The following ZNF724 variants were observed in gnomAD, a reference collection of about 807,000 sequenced individuals.
ZNF724 encodes zinc finger protein 724.
A neutral mutation model predicts 29.3 loss-of-function variants in ZNF724; 14 were observed. The observed-to-expected ratio is 0.48, with a 90% CI of 0.32 to 0.75. The LOEUF is 0.75. Ranked by LOEUF, ZNF724 falls within the 30% of genes least tolerant of loss-of-function variation. ZNF724 has a pLI of 0.04. For synonymous variants in ZNF724, 180 were observed against 193.6 expected, an observed-to-expected ratio of 0.93 and a Z score of 0.58; for missense variants, 557 against 571.2, an observed-to-expected ratio of 0.98 and a Z score of 0.25.
At chr19:23,249,091 C>A (rs1226217875) in intron 1 of ZNF724, among the ~76,000 whole-genome samples, 1 of 152,074 alleles carries the variant, frequency 6.6e-6, no homozygotes, top group East Asian at 1.9e-4. Flanking sequence ...CTGTACCTAA[C>A]CAATTATTGA....
intron 1 of ZNF724, among the ~76,000 whole-genome samples, chr19:23,233,493 A>T (rs1359329057): frequency 6.6e-6 from 1 of 152,122 alleles, no homozygotes; most frequent in East Asian, 1.9e-4. Context: ...AGTAATCTTG[A>T]GTATCCACAC....
intron 3 of ZNF724, chr19:23,231,011 G>A (rs545278809): frequency 1.4e-5 from 3 of 208,964 alleles, no homozygotes; most frequent in Admixed American, 1.2e-4. Flanking sequence ...AGCCTCCCAA[G>A]TAGCTGGGAC....
chr19:23,222,477 A>G lies in ZNF724; in HGVS notation c.1768T>C (p.Tyr590His). The G allele has an allele frequency of 7.7e-7, 1 of 1,301,502 alleles. No individual in the cohort carries two copies. Among genetic ancestry groups the G allele is most frequent in the African/African-American group, 1.4e-5 (1 of 69,094 alleles). The allele number at this position is 1,301,502 out of a possible 1,614,324, so 80.6% of individuals were successfully genotyped here. ...HKVIHTGEKP[Y>H]KCKECGKAFN... ...GCTTTGCCACATTCTTTACATTTGT[A>G]GGGTTTCTCTCCAGTATGAATTACC... The change falls in exon 4 of 4, where the codon TAC becomes CAC. Residue 590 changes from tyrosine (Y) to histidine (H), a missense_variant. Tyr to His is a moderately conservative substitution (Grantham distance 83, BLOSUM62 2). Around this residue, in one of 3 missense-constraint regions of ZNF724, gnomAD observed 170 missense variants for 220.7 expected, o/e 0.77. Transcript: ENST00000418100.
chr19:23,246,422 C>G (rs556786308), intron 1 of ZNF724, among the ~76,000 whole-genome samples: 2 of 152,026 alleles, frequency 1.3e-5, no homozygotes, highest in Non-Finnish European at 2.9e-5. Context: ...TTTGGGAGGC[C>G]GAGGCGGGCA....
intron 1 of ZNF724, among the ~76,000 whole-genome samples, chr19:23,239,086 GGAGAGCTATGAA>G (rs1316767575): frequency 8.0e-5 from 12 of 149,554 alleles, no homozygotes; most frequent in Non-Finnish European, 1.5e-4. Flanking sequence ...AAGTTCTTAC[GGAGAGCTATGAA>G]GAGAGTTGGA....
chr19:23,242,177 A>C (rs73561346), intron 1 of ZNF724, among the ~76,000 whole-genome samples: 2,074 of 152,344 alleles, frequency 0.014, 59 homozygotes, highest in African/African-American at 0.047. Flanking sequence ...AGGGAAGTGA[A>C]AGATCTCTAC....
chr19:23,243,060 A>G (rs1423911470), intron 1 of ZNF724, among the ~76,000 whole-genome samples: 4 of 30,658 alleles, frequency 1.3e-4, no homozygotes, highest in Non-Finnish European at 5.2e-4. Flanking sequence ...AAAAAAAAAG[A>G]AAGAAAGAAA....
At chr19:23,240,483 G>A (rs1334784185) in intron 1 of ZNF724, among the ~76,000 whole-genome samples, 3 of 151,988 alleles carry the variant, frequency 2.0e-5, no homozygotes, top group Non-Finnish European at 2.9e-5. Flanking sequence ...CTGAGCTTGT[G>A]CACTAGGTCC....
At position 23,222,613 on chromosome 19, in the gene ZNF724, G is replaced by C. The variant is rs755042960; in HGVS notation, c.1632C>G (p.Tyr544Ter). ...YKCEECGKAF[Y>*]QYSNLTQHKI... is the part of the protein sequence containing the mutation. ...TATGTTGAGTAAGGTTTGAGTATTG[G>C]TAAAAAGCTTTGCCACATTCTTCAC... is the stretch of plus-strand genomic sequence containing the variant. Residue 544 changes from tyrosine (Y) to a stop codon, truncating the protein, a stop_gained, in exon 4 of 4, where the codon TAC becomes TAG. Transcript: ENST00000418100. LOFTEE classifies it high-confidence loss of function. 2.2e-6 allele frequency: 3 copies of C among 1,367,852 alleles called. No homozygotes were observed. In the African/African-American group the frequency reaches 4.3e-5, roughly 20 times the overall value. The allele number at this position is 1,367,852 out of a possible 1,614,324, so 84.7% of individuals were successfully genotyped here. A position where few individuals can be genotyped will look rare whatever the true frequency, so the allele number is the denominator to read the frequency against.
intron 1 of ZNF724, among the ~76,000 whole-genome samples, chr19:23,249,434 G>C (rs976945680): frequency 2.0e-5 from 3 of 149,458 alleles, no homozygotes; most frequent in Non-Finnish European, 1.5e-5. Flanking sequence ...GTCAAGCTCT[G>C]TCACCCAAGC....
chr19:23,239,798 G>T (rs1042666966), intron 1 of ZNF724, among the ~76,000 whole-genome samples: 1 of 152,040 alleles, frequency 6.6e-6, no homozygotes, highest in Non-Finnish European at 1.5e-5. Context: ...GCAACGCAGC[G>T]AGACTGTTTC....
rs921998814 is a variant in ZNF724, at chr19:23,224,105, C to T, written c.227-87G>A. The T allele has an allele frequency of 1.6e-5, 9 of 569,984 alleles. No homozygotes were observed. The Admixed American group carries it at 2.3e-4, about 15-fold the overall frequency. 35.3% of individuals were successfully genotyped at this position (569,984 alleles called of 1,614,324 possible). ...CATCTAACCTACAAAACTATACAAA[C>T]TACATAAACAAGATTGCATAAGAAG... On this transcript the variant is annotated intron_variant, in intron 3 of 3. Coordinates refer to ENST00000418100, the MANE Select transcript of ZNF724 (RefSeq NM_001355404.2).
At chr19:23,246,673 ATT>A (rs1972242432) in intron 1 of ZNF724, among the ~76,000 whole-genome samples, 1 of 152,046 alleles carries the variant, frequency 6.6e-6, no homozygotes, top group African/African-American at 2.4e-5. Context: ...AAAAAAAAGA[ATT>A]AGCATTAAAC....
rs1189970544 is a variant in ZNF724, at chr19:23,221,771, TTTCACCATGTTGGCC to T, written c.*599_*613del. The stretch of plus-strand genomic sequence containing the variant: ...TTTTGTATTTTGGGTAGAGATGGAG[TTTCACCATGTTGGCC>T]AGGCTGGTCTTGAACTTCTGACCTC... On this transcript the variant is annotated 3_prime_UTR_variant, in exon 4 of 4. Coordinates refer to ENST00000418100, the MANE Select transcript of ZNF724 (RefSeq NM_001355404.2). 1 of 152,634 alleles carries T rather than the reference TTTCACCATGTTGGCC, an allele frequency of 6.6e-6. No homozygotes were observed. The highest frequency in any genetic ancestry group is 1.5e-5 in the Non-Finnish European group (1 of 68,556). 9.5% of individuals were successfully genotyped at this position (152,634 alleles called of 1,614,324 possible). A position where few individuals can be genotyped will look rare whatever the true frequency, so the allele number is the denominator to read the frequency against.
rs1275484383 is a variant in ZNF724 at position 23,222,927 on chromosome 19, G to A, written c.1318C>T (p.His440Tyr). The A allele has an allele frequency of 1.4e-6, 2 of 1,388,910 alleles. No homozygotes were observed. The highest frequency in any genetic ancestry group is 2.0e-6 in the Non-Finnish European group (2 of 976,218). The allele number at this position is 1,388,910 out of a possible 1,614,324, so 86.0% of individuals were successfully genotyped here. The change falls in exon 4 of 4, where the codon CAT becomes TAT. Residue 440 changes from histidine to tyrosine, a missense_variant. Transcript: ENST00000418100. ...AFNQFSQLTT[H>Y]KIIHTGEKPY... ...TTCTCTCCAGTATGAATTATCTTAT[G>A]TGTAGTAAGTTGTGAGAACTGGTTA...
Position 23,222,689 on chromosome 19 carries a change from G to A in ZNF724, c.1556C>T (p.Ser519Leu), listed in dbSNP as rs573893665. 130 of 1,389,346 alleles carry A rather than the reference G, an allele frequency of 9.4e-5. No individual in the cohort carries two copies. The highest frequency in any genetic ancestry group is 1.2e-4 in the Non-Finnish European group (117 of 978,520). The allele number at this position is 1,389,346 out of a possible 1,614,324, so 86.1% of individuals were successfully genotyped here. Reference sequence around the variant, plus strand: ...AATTATCTTATGTCTAGCAAGTGTCGAGGATTGGTTAAAAGCTTTGCCACA... The same window carrying A: ...AATTATCTTATGTCTAGCAAGTGTCAAGGATTGGTTAAAAGCTTTGCCACA... ...KECGKAFNQS[S>L]TLARHKIIHA... The change falls in exon 4 of 4, where the codon TCG (serine) becomes TTG (leucine). Residue 519 changes from serine to leucine, a missense_variant. By Grantham distance (145) the Ser-to-Leu change is moderately radical (BLOSUM62 -2). This residue lies in a region of ZNF724 where 170 missense variants were observed against 220.7 expected (regional missense o/e 0.77). Coordinates refer to ENST00000418100, the MANE Select transcript of ZNF724 (RefSeq NM_001355404.2).
intron 1 of ZNF724, among the ~76,000 whole-genome samples, chr19:23,245,166 T>A (rs986212711): frequency 5.2e-5 from 8 of 152,386 alleles, no homozygotes; most frequent in Middle Eastern, 3.4e-3. Flanking sequence ...TTTCTTCTTA[T>A]TCTCTTAGAA....
At chr19:23,228,449 C>T (rs1971877266) in intron 3 of ZNF724, among the ~76,000 whole-genome samples, 4 of 139,208 alleles carry the variant, frequency 2.9e-5, no homozygotes, top group Non-Finnish European at 4.6e-5. Context: ...GATGAGACTT[C>T]GTCTCAAAAA....
At chr19:23,233,441 C>CA (rs779187557) in intron 1 of ZNF724, among the ~76,000 whole-genome samples, 2 of 152,020 alleles carry the variant, frequency 1.3e-5, no homozygotes, top group Middle Eastern at 3.2e-3. Context: ...TTCAACATTA[C>CA]ATGTTCTCCA....
Sources: gnomAD v4.1 joint callset for allele counts (sites outside exome capture counted in the v4.1 genomes callset) on GRCh38, gnomAD v4.1.1 for gene constraint, gnomAD v4.1.1 regional missense constraint, MANE v1.5 for transcripts, NCBI Gene and HGNC (gene_info 2026-07-23, HGNC 2026-07-21) for gene names.